Variants in GABRG3 observed in about 807,000 individuals in gnomAD.
The protein encoded by GABRG3 is gamma-aminobutyric acid type A receptor subunit gamma3.
In GABRG3, 25 loss-of-function variants were observed where a neutral mutation model predicts 48.8. That is an observed-to-expected ratio of 0.51 (90% confidence interval 0.37 to 0.72). The LOEUF (loss-of-function observed/expected upper bound fraction) is 0.72, where lower values mean the gene tolerates loss of function less well. GABRG3 is among the 30% of genes least tolerant of loss of function. The probability of loss-of-function intolerance (pLI) is 0.00; values close to 1 mark genes in which losing one functional copy is unlikely to be tolerated. For synonymous variants in GABRG3, 227 were observed against 217.6 expected, an observed-to-expected ratio of 1.04 and a Z score of -0.38; for missense variants, 394 against 577.9, an observed-to-expected ratio of 0.68 and a Z score of 3.26.
At chr15:27,526,592 A>G (rs938767459) in intron 7 of GABRG3, among the ~76,000 whole-genome samples, 2 of 151,800 alleles carry the variant, frequency 1.3e-5, no homozygotes, top group African/African-American at 4.8e-5. Context: ...CTTATGTTCA[A>G]TAGTCTCCAT....
chr15:27,329,050 A>T (rs978484848), intron 5 of GABRG3, among the ~76,000 whole-genome samples, 162 bp downstream of exon 5: 7 of 152,136 alleles, frequency 4.6e-5, no homozygotes, highest in African/African-American at 1.7e-4. Context: ...TTCACTCTAG[A>T]CCTTGTCACA....
At chr15:27,159,071 T>A (rs1898507104) in intron 3 of GABRG3, among the ~76,000 whole-genome samples, 1 of 152,144 alleles carries the variant, frequency 6.6e-6, no homozygotes. Flanking sequence ...TATTTTTTAT[T>A]TTCTCCTCCC....
At chr15:27,163,232 G>T (rs1595560842) in intron 3 of GABRG3, among the ~76,000 whole-genome samples, 1 of 152,084 alleles carries the variant, frequency 6.6e-6, no homozygotes, top group Non-Finnish European at 1.5e-5. Flanking sequence ...GGGCACCGTG[G>T]CTCATGCCTG....
At chr15:27,115,536 C>T (rs539672671) in intron 3 of GABRG3, among the ~76,000 whole-genome samples, 4 of 152,164 alleles carry the variant, frequency 2.6e-5, no homozygotes, top group African/African-American at 9.7e-5. Context: ...ACGAATCCCC[C>T]AAAACTCCTT....
intron 3 of GABRG3, among the ~76,000 whole-genome samples, chr15:27,067,123 C>T (rs971709821): frequency 4.6e-5 from 7 of 152,156 alleles, no homozygotes; most frequent in South Asian, 2.1e-4. Context: ...GCACCTTTGC[C>T]GTGGAGGGAG....
intron 6 of GABRG3, among the ~76,000 whole-genome samples, chr15:27,484,171 G>A (rs996263816): frequency 1.8e-4 from 27 of 152,120 alleles, no homozygotes; most frequent in Non-Finnish European, 3.8e-4. Context: ...CCTGACCTCA[G>A]GTGGTCCACG....
chr15:27,223,369 A>G (rs1889510808), intron 3 of GABRG3, among the ~76,000 whole-genome samples: 1 of 152,196 alleles, frequency 6.6e-6, no homozygotes, highest in Non-Finnish European at 1.5e-5. Context: ...GAGCCTGGAT[A>G]CGGCAATCTG....
chr15:27,111,049 G>C (rs893658139), intron 3 of GABRG3, among the ~76,000 whole-genome samples: 3 of 152,044 alleles, frequency 2.0e-5, no homozygotes, highest in African/African-American at 7.2e-5. Context: ...ATATGACATT[G>C]CCTCATAGTT....
intron 5 of GABRG3, among the ~76,000 whole-genome samples, chr15:27,370,432 A>G (rs1423652205): frequency 6.6e-6 from 1 of 152,154 alleles, no homozygotes; most frequent in Non-Finnish European, 1.5e-5. Flanking sequence ...ACATCAGACA[A>G]CCTAACGCTG....
intron 1 of GABRG3, among the ~76,000 whole-genome samples, chr15:26,973,819 G>A (rs1894887964): frequency 6.6e-6 from 1 of 152,206 alleles, no homozygotes; most frequent in Non-Finnish European, 1.5e-5. Flanking sequence ...TCTGAAGGTT[G>A]AGTTGTTGTT....
At chr15:27,299,295 AAAAC>A (rs1449538821) in intron 3 of GABRG3, among the ~76,000 whole-genome samples, 3 of 152,066 alleles carry the variant, frequency 2.0e-5, no homozygotes, top group Non-Finnish European at 2.9e-5. Flanking sequence ...AGAAAAAACA[AAAAC>A]AAAAACAAAC....
chr15:27,463,932 G>A (rs1889526304), intron 5 of GABRG3, among the ~76,000 whole-genome samples: 1 of 152,042 alleles, frequency 6.6e-6, no homozygotes. Context: ...CTCCCATAAG[G>A]CATCATTGTT....
chr15:27,322,125 A>G (rs1242194104), intron 3 of GABRG3, among the ~76,000 whole-genome samples: 1 of 152,268 alleles, frequency 6.6e-6, no homozygotes, highest in African/African-American at 2.4e-5. Flanking sequence ...AAGGATGATT[A>G]ATGCCATTAC....
At chr15:27,106,450 A>T (rs1897451155) in intron 3 of GABRG3, among the ~76,000 whole-genome samples, 1 of 152,016 alleles carries the variant, frequency 6.6e-6, no homozygotes, top group Non-Finnish European at 1.5e-5. Flanking sequence ...AAGAAAGGAA[A>T]AAAAGAAGGA....
chr15:27,390,411 G>A (rs1020066065), intron 5 of GABRG3, among the ~76,000 whole-genome samples: 11 of 152,262 alleles, frequency 7.2e-5, no homozygotes, highest in African/African-American at 2.6e-4. Context: ...ACTTCAAACT[G>A]CTGACATAAT....
intron 4 of GABRG3, 29 bp downstream of exon 4, chr15:27,327,058 T>C: frequency 6.4e-7 from 1 of 1,568,092 alleles, no homozygotes; most frequent in Non-Finnish European, 8.7e-7. Flanking sequence ...CTTTGATTAC[T>C]CCTGGTTTAA....
intron 5 of GABRG3, among the ~76,000 whole-genome samples, chr15:27,401,368 A>G (rs903219096): frequency 4.6e-5 from 7 of 152,220 alleles, no homozygotes; most frequent in Non-Finnish European, 4.4e-5. Flanking sequence ...TCAGATTGCA[A>G]AAAGGCCCCA....
At chr15:27,297,591 A>ATATG (rs397711948) in intron 3 of GABRG3, among the ~76,000 whole-genome samples, 3 of 152,010 alleles carry the variant, frequency 2.0e-5, no homozygotes, top group Non-Finnish European at 2.9e-5. Context: ...AACAGGCTAT[A>ATATG]CCACATAACC....
intron 3 of GABRG3, among the ~76,000 whole-genome samples, chr15:27,293,548 T>C (rs1486127169): frequency 4.6e-5 from 7 of 152,126 alleles, no homozygotes; most frequent in Non-Finnish European, 1.0e-4. Flanking sequence ...TGGTAGCGTA[T>C]GCCTGTAATC....
Sources: allele counts gnomAD v4.1 joint callset (sites outside exome capture counted in the v4.1 genomes callset), GRCh38; gene constraint gnomAD v4.1.1; transcripts MANE v1.5; gene names NCBI Gene and HGNC (gene_info 2026-07-23, HGNC 2026-07-21).